Variants in CRISP1 observed in about 807,000 individuals in gnomAD.
CRISP1 encodes cysteine-rich secretory protein 1.
A neutral mutation model predicts 33.1 loss-of-function variants in CRISP1; 44 were observed. The observed-to-expected ratio is 1.33, with a 90% confidence interval of 1.05 to 1.71. The LOEUF (loss-of-function observed/expected upper bound fraction) is 1.71, where lower values mean the gene tolerates loss of function less well. CRISP1 is among the 40% of genes most tolerant of loss of function. The pLI, the probability that CRISP1 is intolerant of heterozygous loss-of-function variation, is 0.00. For missense variants in CRISP1, 390 were observed against 301.2 expected (o/e 1.29, Z -2.18); for synonymous variants, 103 against 98.7 (o/e 1.04, Z -0.26).
At chr6:49,875,795 G>A (rs1772022433) in intron 1 of CRISP1, among the ~76,000 whole-genome samples, 1 of 152,024 alleles carries the variant, frequency 6.6e-6, no homozygotes, top group African/African-American at 2.4e-5. Context: ...ACAAGCGATG[G>A]GTAAGTATTT....
chr6:49,839,127 A>G (rs558295021), intron 6 of CRISP1, among the ~76,000 whole-genome samples: 1 of 152,094 alleles, frequency 6.6e-6, no homozygotes, highest in Non-Finnish European at 1.5e-5. Context: ...CTAGTTCTGG[A>G]CTAATTTGAA....
At chr6:49,876,367 T>A (rs1772036137) in intron 1 of CRISP1, among the ~76,000 whole-genome samples, 1 of 151,942 alleles carries the variant, frequency 6.6e-6, no homozygotes, top group East Asian at 1.9e-4. Flanking sequence ...GAATGGCTAC[T>A]ATTAAAAGTC....
chr6:49,867,217 A>G (rs908190309), upstream of CRISP1, among the ~76,000 whole-genome samples: 1 of 152,142 alleles, frequency 6.6e-6, no homozygotes, highest in African/African-American at 2.4e-5. Flanking sequence ...GAACAAAGAA[A>G]GAAATATCAC....
intron 1 of CRISP1, among the ~76,000 whole-genome samples, chr6:49,876,746 G>C (rs1772044034): frequency 6.6e-6 from 1 of 151,886 alleles, no homozygotes; most frequent in South Asian, 2.1e-4. Context: ...GACATAGAAG[G>C]ACTTGGAAAC....
At chr6:49,873,026 C>T (rs1024725760) in intron 1 of CRISP1, among the ~76,000 whole-genome samples, 2 of 151,804 alleles carry the variant, frequency 1.3e-5, no homozygotes, top group Non-Finnish European at 1.5e-5. Context: ...ATTCTTCCTA[C>T]CCATGAGCAT....
chr6:49,855,204 C>T (rs1264182358), intron 2 of CRISP1, among the ~76,000 whole-genome samples: 1 of 152,136 alleles, frequency 6.6e-6, no homozygotes. Flanking sequence ...CCAGAATCCA[C>T]TAATGCTTTA....
At chr6:49,866,606 A>G (rs1771804093), upstream of CRISP1, 1 of 152,174 alleles carries the variant, frequency 6.6e-6, no homozygotes, top group Non-Finnish European at 1.5e-5. Context: ...GCATGAATAC[A>G]TGATAATCAG....
chr6:49,870,870 G>A (rs998321506), upstream of CRISP1, among the ~76,000 whole-genome samples: 26 of 152,270 alleles, frequency 1.7e-4, no homozygotes, highest in African/African-American at 5.1e-4. Context: ...GCCGAGGTGG[G>A]CGGATGACCT....
intron 1 of CRISP1, among the ~76,000 whole-genome samples, chr6:49,871,943 T>A (rs1771933302): frequency 1.3e-5 from 2 of 152,114 alleles, no homozygotes; most frequent in Non-Finnish European, 2.9e-5. Flanking sequence ...TCAAATGGTA[T>A]TTCTAGTTCT....
chr6:49,844,877 A>C (rs1366427692), intron 5 of CRISP1, among the ~76,000 whole-genome samples: 6 of 152,170 alleles, frequency 3.9e-5, no homozygotes, highest in Non-Finnish European at 8.8e-5. Flanking sequence ...CCTGGCGAGA[A>C]ATTTTACCTC....
intron 2 of CRISP1, among the ~76,000 whole-genome samples, chr6:49,857,052 T>C (rs983393247): frequency 5.9e-5 from 9 of 152,160 alleles, no homozygotes; most frequent in African/African-American, 2.2e-4. Flanking sequence ...CACAATGAAA[T>C]AGATATGGAC....
chr6:49,858,577 A>G (rs761070939), intron 1 of CRISP1, among the ~76,000 whole-genome samples: 6 of 152,202 alleles, frequency 3.9e-5, no homozygotes, highest in Non-Finnish European at 8.8e-5. Context: ...TCTTTCAGAG[A>G]ACATACACAT....
chr6:49,850,696 T>C (rs62404913), intron 3 of CRISP1, among the ~76,000 whole-genome samples: 14,740 of 152,226 alleles, frequency 0.097, 999 homozygotes, highest in Non-Finnish European at 0.15. Context: ...ATATTTCATA[T>C]CTTTTTGTGT....
At position 49,834,332 on chromosome 6, in the gene CRISP1, GTA is replaced by G. The variant is rs1489916489; in HGVS notation, c.*982_*983del. 1 of 151,694 alleles carries G rather than the reference GTA, an allele frequency of 6.6e-6. No homozygotes were observed. Among genetic ancestry groups the G allele is most frequent in the African/African-American group, 2.4e-5 (1 of 41,298 alleles). The allele number at this position is 151,694 out of a possible 1,614,324, so 9.4% of individuals were successfully genotyped here. On this transcript the variant is annotated 3_prime_UTR_variant, in exon 8 of 8. Transcript: ENST00000335847. ...GTAGGTAGAACTGGGTATAACTTTG[GTA>G]TAATGTTAAAATTTGACCAAGTATT...
chr6:49,862,818 A>G (rs1225799553), intron 1 of CRISP1, among the ~76,000 whole-genome samples: 1 of 121,236 alleles, frequency 8.2e-6, no homozygotes, highest in Non-Finnish European at 2.0e-5. Flanking sequence ...AGAAGCTACA[A>G]AAAAAAAAAC....
intron 7 of CRISP1, 69 bp from the exon 8 acceptor site, chr6:49,835,512 T>C (rs993790269): frequency 2.6e-5 from 39 of 1,490,402 alleles, no homozygotes; most frequent in Middle Eastern, 1.8e-4. Context: ...AAAGAGACCA[T>C]CTTATTAAAG....
chr6:49,862,501 T>C (rs1220455530), intron 1 of CRISP1, among the ~76,000 whole-genome samples: 2 of 152,186 alleles, frequency 1.3e-5, no homozygotes, highest in Non-Finnish European at 2.9e-5. Context: ...TGATATAAGA[T>C]ATTTGATATA....
In CRISP1 at chr6:49,843,107, G is replaced by A. The variant is rs1771046501; in HGVS notation, c.436-2112C>T. Among the ~76,000 whole-genome samples the A allele has an allele frequency of 2.0e-5, 3 of 152,156 alleles. No homozygotes were observed. In the South Asian group the frequency reaches 6.2e-4, roughly 32 times the overall value. ...ATAATGCTTTTGTGATAAAATTAGT[G>A]TGTTAGTTGACTTATATAGGAAATA... On this transcript the variant is annotated intron_variant, in intron 5 of 7. Transcript: ENST00000335847.
intron 7 of CRISP1, among the ~76,000 whole-genome samples, chr6:49,835,922 T>C (rs957866381): frequency 6.6e-6 from 1 of 152,202 alleles, no homozygotes; most frequent in African/African-American, 2.4e-5. Context: ...AGAGGTTATC[T>C]CAACTAACAT....
Sources: allele counts gnomAD v4.1 joint callset (sites outside exome capture counted in the v4.1 genomes callset), GRCh38; gene constraint gnomAD v4.1.1; transcripts MANE v1.5; gene names NCBI Gene and HGNC (gene_info 2026-07-23, HGNC 2026-07-21).